The following PLCD1 variants were observed in gnomAD, a reference collection of about 807,000 sequenced individuals.
PLCD1 encodes the protein 1-phosphatidylinositol 4,5-bisphosphate phosphodiesterase delta-1.
Under a neutral mutation model 87.4 loss-of-function variants are expected in PLCD1, and 71 were observed. The observed-to-expected ratio is 0.81, with a 90% CI of 0.67 to 0.99. The LOEUF (loss-of-function observed/expected upper bound fraction) is 0.99. Among genes scored for constraint, PLCD1 ranks in the 50% least tolerant of loss-of-function variants. PLCD1 has a pLI of 0.00. For missense variants in PLCD1, 867 were observed against 1,001.5 expected, an observed-to-expected ratio of 0.87 and a Z score of 1.81; for synonymous variants, 348 against 399.2, an observed-to-expected ratio of 0.87 and a Z score of 1.53.
Position 38,010,244 on chromosome 3 carries a change from G to T in PLCD1, c.1024C>A (p.Leu342Ile). 1.2e-6 allele frequency: 2 copies of T among 1,614,214 alleles called. No individual in the cohort carries two copies. The highest frequency in any genetic ancestry group is 1.7e-6 in the Non-Finnish European group (2 of 1,180,020). Residue 342 changes from leucine to isoleucine, a missense_variant, in exon 7 of 15, where the codon CTT (leucine) becomes ATT (isoleucine). Physicochemically the swap from Leu to Ile is conservative, Grantham distance 5 (BLOSUM62 2). Coordinates refer to ENST00000334661, the MANE Select transcript of PLCD1 (RefSeq NM_006225.4). ...ALCKGCRCLE[L>I]DCWDGPNQEP... is the part of the protein sequence containing the mutation. ...TGGTTGGGCCCGTCCCAGCAGTCAA[G>T]CTCCAGGCATCGGCAGCCTTTGCAC...
intron 3 of PLCD1, among the ~76,000 whole-genome samples, chr3:38,013,950 A>T (rs933054745): frequency 2.0e-5 from 3 of 152,274 alleles, no homozygotes; most frequent in African/African-American, 7.2e-5. Flanking sequence ...GAAAAATTTG[A>T]AAGTGAAATT....
chr3:38,012,067 G>A (rs1256068947), intron 3 of PLCD1, among the ~76,000 whole-genome samples: 3 of 129,150 alleles, frequency 2.3e-5, no homozygotes, highest in Non-Finnish European at 4.6e-5. Context: ...TCACTCTGTC[G>A]CCCAGATTAG....
Position 38,007,743 on chromosome 3 carries a change from T to G in PLCD1, c.*30A>C, listed in dbSNP as rs771257270. The G allele has an allele frequency of 6.4e-7, 1 of 1,551,962 alleles. No homozygotes were observed. Among genetic ancestry groups the G allele is most frequent in the African/African-American group, 1.4e-5 (1 of 73,602 alleles). On this transcript the variant is annotated 3_prime_UTR_variant, in exon 15 of 15. Coordinates refer to ENST00000334661, the MANE Select transcript of PLCD1 (RefSeq NM_006225.4). ...CATGTGGACAGAGGGCCCAGCCCACTCAGGGGGGACCCCACTGGCTTCCTC... is the reference window on the plus strand; with the variant it reads ...CATGTGGACAGAGGGCCCAGCCCACGCAGGGGGGACCCCACTGGCTTCCTC...
chr3:38,016,482 A>G lies in PLCD1; in HGVS notation c.428+9T>C, dbSNP rs367884830. On this transcript the variant is annotated intron_variant, in intron 3 of 14. Coordinates refer to ENST00000334661, the MANE Select transcript of PLCD1 (RefSeq NM_006225.4). ...GCCAGGCCTGGACCCACTGCCACCA[A>G]AAGGATACTGCTGTAGCTTCTGACG... 1 of 1,599,730 alleles carries G rather than the reference A, an allele frequency of 6.3e-7. No individual in the cohort carries two copies. Among genetic ancestry groups the G allele is most frequent in the Non-Finnish European group, 8.6e-7 (1 of 1,167,758 alleles).
At chr3:38,027,181 C>T (rs187382551) in intron 1 of PLCD1, among the ~76,000 whole-genome samples, 1 of 152,324 alleles carries the variant, frequency 6.6e-6, no homozygotes, top group East Asian at 1.9e-4. Flanking sequence ...AAAGAGCTGG[C>T]TGGCTCGCTC....
intron 13 of PLCD1, 29 bp from the exon 14 acceptor site, chr3:38,008,192 A>G (rs1403640714): frequency 3.7e-6 from 6 of 1,613,664 alleles, no homozygotes; most frequent in Non-Finnish European, 5.1e-6. Flanking sequence ...TATCAGCAGC[A>G]TGGACACCAG....
chr3:38,019,512 G>T (rs571662131), intron 2 of PLCD1, among the ~76,000 whole-genome samples: 1 of 152,152 alleles, frequency 6.6e-6, no homozygotes, highest in South Asian at 2.1e-4. Flanking sequence ...CACTTTACAG[G>T]ATCTTTAGGG....
intron 3 of PLCD1, among the ~76,000 whole-genome samples, chr3:38,013,303 C>A (rs911256216): frequency 3.3e-5 from 5 of 151,610 alleles, no homozygotes; most frequent in Admixed American, 6.6e-5. Flanking sequence ...AGCTCCGCCT[C>A]CCGGGATCAC....
intron 3 of PLCD1, among the ~76,000 whole-genome samples, chr3:38,012,883 A>T (rs1050305213): frequency 1.3e-5 from 2 of 150,490 alleles, no homozygotes; most frequent in Non-Finnish European, 2.9e-5. Flanking sequence ...TTTCCTCCTA[A>T]TATTTTTTTC....
rs1311495718 is a variant in PLCD1, at chr3:38,010,351, T to G, written c.992+10A>C. The G allele has an allele frequency of 5.6e-6, 9 of 1,614,022 alleles. No homozygotes were observed. Among genetic ancestry groups the G allele is most frequent in the Non-Finnish European group, 7.6e-6 (9 of 1,180,000 alleles). ...CCCAGACTCCCGACCCAAGGCTCCC[T>G]GAGCAGCACCGGATGTAGGCTTCAG... On this transcript the variant is annotated intron_variant, in intron 6 of 14. Transcript: ENST00000334661.
chr3:38,021,004 C>A (rs1700225889), intron 1 of PLCD1, among the ~76,000 whole-genome samples: 1 of 152,162 alleles, frequency 6.6e-6, no homozygotes, highest in Non-Finnish European at 1.5e-5. Flanking sequence ...ACAGCAACCA[C>A]CTCAAAGGGA....
intron 1 of PLCD1, among the ~76,000 whole-genome samples, chr3:38,028,481 C>G (rs530341971): frequency 6.6e-6 from 1 of 152,208 alleles, no homozygotes; most frequent in African/African-American, 2.4e-5. Flanking sequence ...TAGTGGAAGG[C>G]TAGAGGACTC....
At chr3:38,020,384 C>T (rs760376148) in intron 1 of PLCD1, 32 bp from the exon 2 acceptor site, 1 of 1,609,682 alleles carries the variant, frequency 6.2e-7, no homozygotes, top group South Asian at 1.1e-5. Flanking sequence ...ATGCCACCTT[C>T]TCCACTAGTT....
rs749471884 is a variant in PLCD1 at position 38,010,000 on chromosome 3, C to T, written c.1191G>A (p.Gln397=). 2.5e-6 allele frequency: 4 copies of T among 1,614,134 alleles called. No individual in the cohort carries two copies. In the Admixed American group the frequency reaches 6.7e-5, roughly 27 times the overall value. ...LSLENHCTLE[Q]QRVMARHLHA... ...GCAGGTGCCGCGCCATCACGCGCTG[C>T]TGCTCCAGTGTGCAGTGGTTCTCCA... The change falls in exon 8 of 15, where the codon CAG becomes CAA. Residue 397 remains glutamine (Q), a synonymous_variant. Transcript: ENST00000334661.
chr3:38,014,095 T>G (rs60063994), intron 3 of PLCD1, among the ~76,000 whole-genome samples: 5,452 of 152,258 alleles, frequency 0.036, 140 homozygotes, highest in African/African-American at 0.075. Context: ...ATGGAAAGAA[T>G]TACATGTTCA....
chr3:38,016,613 C>T lies in PLCD1; in HGVS notation c.306G>A (p.Lys102=), dbSNP rs367838049. 1 of 1,613,532 alleles carries T rather than the reference C, an allele frequency of 6.2e-7. No homozygotes were observed. Among genetic ancestry groups the T allele is most frequent in the African/African-American group, 1.3e-5 (1 of 75,048 alleles). The part of the protein sequence containing the change: ...PEDRCFSIVF[K]DQRNTLDLIA... ...TGAGGTCTAGTGTATTGCGCTGGTC[C>T]TTGAAGACAATGGAGAAGCAGCGGT... Residue 102 remains lysine, a synonymous_variant, in exon 3 of 15, where the codon AAG becomes AAA. Transcript: ENST00000334661.
At position 38,011,493 on chromosome 3, in the gene PLCD1, G is replaced by A. The variant is rs2364795; in HGVS notation, c.559-48C>T. 3 of 1,613,822 alleles carry A rather than the reference G, an allele frequency of 1.9e-6. No individual in the cohort carries two copies. In the African/African-American group the frequency reaches 4.0e-5, roughly 22 times the overall value. ...TGGGCTCAGAGCAGGCCTTGGGCCG[G>A]GGTCAAGGGCCCCATGGACAGGCAG... On this transcript the variant is annotated intron_variant, in intron 4 of 14. Coordinates refer to ENST00000334661, the MANE Select transcript of PLCD1 (RefSeq NM_006225.4).
intron 9 of PLCD1, 29 bp from the exon 10 acceptor site, chr3:38,009,460 A>G (rs772826766): frequency 6.2e-7 from 1 of 1,613,386 alleles, no homozygotes; most frequent in Non-Finnish European, 8.5e-7. Context: ...CCCGGGTTAG[A>G]TTCAGTGGTT....
chr3:38,016,450 T>C (rs750061828), intron 3 of PLCD1, 41 bp downstream of exon 3: 2 of 1,396,514 alleles, frequency 1.4e-6, no homozygotes, highest in Non-Finnish European at 2.0e-6. Context: ...ACAGCCAGTG[T>C]CCACAAGCCA....
Sources: gnomAD v4.1 joint callset for allele counts (sites outside exome capture counted in the v4.1 genomes callset) on GRCh38, gnomAD v4.1.1 for gene constraint, MANE v1.5 for transcripts, NCBI Gene and HGNC (gene_info 2026-07-23, HGNC 2026-07-21) for gene names.